Variants in TOB1 observed in about 807,000 individuals in gnomAD.
The protein encoded by TOB1 is protein Tob1.
TOB1 carries 2 observed loss-of-function variants against 22.9 expected under a neutral mutation model. The observed-to-expected ratio is 0.09, with a 90% CI of 0.04 to 0.28. The LOEUF (loss-of-function observed/expected upper bound fraction) is 0.28. Ranked by LOEUF, TOB1 falls within the 10% of genes least tolerant of loss-of-function variation. The probability of loss-of-function intolerance (pLI) is 1.00; values close to 1 mark genes in which losing one functional copy is unlikely to be tolerated. For synonymous variants in TOB1, 154 were observed against 150.6 expected (o/e 1.02, Z -0.17); for missense variants, 299 against 420.5 (o/e 0.71, Z 2.53).
rs759460264 is a variant in TOB1 at position 50,863,257 on chromosome 17, G to A, written c.761C>T (p.Pro254Leu). The A allele has an allele frequency of 6.2e-7, 1 of 1,614,034 alleles. No homozygotes were observed. Among genetic ancestry groups the A allele is most frequent in the Non-Finnish European group, 8.5e-7 (1 of 1,179,990 alleles). Residue 254 changes from proline (P) to leucine (L), a missense_variant, in exon 2 of 2, where the codon CCA becomes CTA. Transcript: ENST00000499247. ...CTGCTGTTGTTGCTGCTGTGGTGGT[G>A]GTGGTGGCGGTGGCGGCTGGGCTGG... is the stretch of plus-strand genomic sequence containing the variant. ...QQPAQPPPPP[P>L]PPQQQQQQKT...
chr17:50,862,694 C>A lies in TOB1; in HGVS notation c.*286G>T. 3.5e-6 allele frequency: 1 copy of A among 286,790 alleles called. No individual in the cohort carries two copies. The highest frequency in any genetic ancestry group is 6.4e-6 in the Non-Finnish European group (1 of 157,240). 17.8% of individuals were successfully genotyped at this position (286,790 alleles called of 1,614,324 possible). A position where few individuals can be genotyped will look rare whatever the true frequency, so the allele number is the denominator to read the frequency against. The stretch of plus-strand genomic sequence containing the variant: ...CAATTAGAAAAGACCAATAAACCCA[C>A]TTATTAGTGCCAATTTTTATAAAAA... On this transcript the variant is annotated 3_prime_UTR_variant, in exon 2 of 2. Coordinates refer to ENST00000499247, the MANE Select transcript of TOB1 (RefSeq NM_005749.4).
At position 50,862,992 on chromosome 17, in the gene TOB1, A is replaced by G. The variant is rs756657571; in HGVS notation, c.1026T>C (p.Val342=). The change falls in exon 2 of 2, where the codon GTT becomes GTC. Residue 342 remains valine, a synonymous_variant. Transcript: ENST00000499247. ...MQYSNQQFQP[V]MAN ...CATTTTCTTTTTTTTAGTTAGCCAT[A>G]ACAGGCTGGAATTGCTGGTTAGAAT... 1 of 1,610,500 alleles carries G rather than the reference A, an allele frequency of 6.2e-7. No homozygotes were observed. The highest frequency in any genetic ancestry group is 1.7e-5 in the Admixed American group (1 of 59,484).
At position 50,863,581 on chromosome 17, in the gene TOB1, G is replaced by T; in HGVS notation, c.437C>A (p.Ala146Asp). Residue 146 changes from alanine (A) to aspartate (D), a missense_variant, in exon 2 of 2, where the codon GCC (alanine) becomes GAC (aspartate). Physicochemically the swap from Ala to Asp is moderately radical, Grantham distance 126. Transcript: ENST00000499247. The part of the protein sequence containing the change: ...AQVFMPISDP[A>D]SSVSSSPSPP... ...CGATGGAGAGCTGGACACTGATGAG[G>T]CTGGGTCACTTATGGGCATAAAAAC... is the stretch of plus-strand genomic sequence containing the variant. 1 of 1,614,134 alleles carries T rather than the reference G, an allele frequency of 6.2e-7. No homozygotes were observed. The highest frequency in any genetic ancestry group is 8.5e-7 in the Non-Finnish European group (1 of 1,180,018).
At chr17:50,866,483 G>C (rs1015263860), upstream of TOB1, 3 of 151,696 alleles carry the variant, frequency 2.0e-5, no homozygotes, top group Non-Finnish European at 4.4e-5. Context: ...CTCCCCGCCC[G>C]GCACCCCGGT....
At chr17:50,864,742 C>A (rs1283932576) in intron 1 of TOB1, among the ~76,000 whole-genome samples, 1 of 152,166 alleles carries the variant, frequency 6.6e-6, no homozygotes, top group Non-Finnish European at 1.5e-5. Context: ...ACTAAATGAA[C>A]TTCATCCTAG....
chr17:50,867,508 C>T (rs547736823), upstream of TOB1: 1 of 152,340 alleles, frequency 6.6e-6, no homozygotes, highest in African/African-American at 2.4e-5. Flanking sequence ...AGCAACGACG[C>T]CTGATTGGCT....
In TOB1 at chr17:50,863,901, TTTC is replaced by T; in HGVS notation, c.114_116del (p.Lys39del). Reference sequence around the variant, plus strand: ...TTTCAGGATACCAGTGCCCTTCATATTTCTTCTTAAGAAGTCTTTCAAGTTCTT... The same window carrying T: ...TTTCAGGATACCAGTGCCCTTCATATTTCTTAAGAAGTCTTTCAAGTTCTT... On this transcript the variant is annotated inframe_deletion, in exon 2 of 2. Coordinates refer to ENST00000499247, the MANE Select transcript of TOB1 (RefSeq NM_005749.4). 1.2e-6 allele frequency: 2 copies of T among 1,614,094 alleles called. No individual in the cohort carries two copies. Among genetic ancestry groups the T allele is most frequent in the Non-Finnish European group, 1.7e-6 (2 of 1,180,022 alleles).
rs1373649669 is a variant in TOB1 at position 50,863,457 on chromosome 17, G to A, written c.561C>T (p.Phe187=). 5.0e-6 allele frequency: 8 copies of A among 1,614,120 alleles called. No individual in the cohort carries two copies. The highest frequency in any genetic ancestry group is 1.7e-5 in the Admixed American group (1 of 60,022). ...CACTATTCTTCATTTTGGTAGAGCCGAACTTGGTGGCAGCAAAAGTGGCAG... is the reference window on the plus strand; with the variant it reads ...CACTATTCTTCATTTTGGTAGAGCCAAACTTGGTGGCAGCAAAAGTGGCAG... ...FTTATFAATK[F]GSTKMKNSGR... The change falls in exon 2 of 2, where the codon TTC becomes TTT. Residue 187 remains phenylalanine, a synonymous_variant. Coordinates refer to ENST00000499247, the MANE Select transcript of TOB1 (RefSeq NM_005749.4).
rs1972256995 is a variant in TOB1 at position 50,863,889 on chromosome 17, G to A, written c.129C>T (p.His43=). ...ERLLKKKYEG[H]WYPEKPYKGS... Reference sequence around the variant, plus strand: ...CTTTGTATGGCTTTTCAGGATACCAGTGCCCTTCATATTTCTTCTTAAGAA... The same window carrying A: ...CTTTGTATGGCTTTTCAGGATACCAATGCCCTTCATATTTCTTCTTAAGAA... Residue 43 remains histidine, a synonymous_variant, in exon 2 of 2, where the codon CAC becomes CAT. Coordinates refer to ENST00000499247, the MANE Select transcript of TOB1 (RefSeq NM_005749.4). The A allele has an allele frequency of 1.9e-6, 3 of 1,613,956 alleles. No individual in the cohort carries two copies. The highest frequency in any genetic ancestry group is 4.5e-5 in the East Asian group (2 of 44,878).
chr17:50,862,788 T>C lies in TOB1; in HGVS notation c.*192A>G. 3 of 724,026 alleles carry C rather than the reference T, an allele frequency of 4.1e-6. No individual in the cohort carries two copies. Among genetic ancestry groups the C allele is most frequent in the Non-Finnish European group, 6.2e-6 (3 of 486,564 alleles). The allele number at this position is 724,026 out of a possible 1,614,324, so 44.9% of individuals were successfully genotyped here. A position where few individuals can be genotyped will look rare whatever the true frequency, so the allele number is the denominator to read the frequency against. ...CCATATCTGAGAGTATACTTTAAAA[T>C]ATACAGTCAGTATAAAATAACTTTG... On this transcript the variant is annotated 3_prime_UTR_variant, in exon 2 of 2. Transcript: ENST00000499247.
intron 1 of TOB1, among the ~76,000 whole-genome samples, chr17:50,865,550 AAAT>A (rs1972285398): frequency 2.0e-5 from 3 of 152,106 alleles, no homozygotes; most frequent in Non-Finnish European, 4.4e-5. Flanking sequence ...AAGGCCCGGG[AAAT>A]GGAAGAGCAA....
At position 50,866,119 on chromosome 17, in the gene TOB1, G is replaced by GC. The variant is rs1207028266; in HGVS notation, c.-209dup. 4 of 152,588 alleles carry GC rather than the reference G, an allele frequency of 2.6e-5. No individual in the cohort carries two copies. The highest frequency in any genetic ancestry group is 9.7e-5 in the African/African-American group (4 of 41,394). 9.5% of individuals were successfully genotyped at this position (152,588 alleles called of 1,614,324 possible). On this transcript the variant is annotated 5_prime_UTR_variant, in exon 1 of 2. Coordinates refer to ENST00000499247, the MANE Select transcript of TOB1 (RefSeq NM_005749.4). ...GCTGGGCGGGGAGCAGCGCGGCAGG[G>GC]CGGGGGCGCGGGAGGGTCGGGAGCG...
intron 1 of TOB1, among the ~76,000 whole-genome samples, chr17:50,865,246 GC>G (rs1306818048): frequency 1.3e-5 from 2 of 152,180 alleles, no homozygotes; most frequent in Non-Finnish European, 2.9e-5. Flanking sequence ...ATCTCTGGCT[GC>G]CCCCAAACTA....
Position 50,862,876 on chromosome 17 carries a change from T to A in TOB1, c.*104A>T. ...TATTATTTTTTTAACCAAGCTTGAA[T>A]GTATCCTTACTATAAGCTTAAAAAA... On this transcript the variant is annotated 3_prime_UTR_variant, in exon 2 of 2. Coordinates refer to ENST00000499247, the MANE Select transcript of TOB1 (RefSeq NM_005749.4). The A allele has an allele frequency of 7.1e-7, 1 of 1,402,814 alleles. No homozygotes were observed. The highest frequency in any genetic ancestry group is 9.4e-7 in the Non-Finnish European group (1 of 1,061,590). 86.9% of individuals were successfully genotyped at this position (1,402,814 alleles called of 1,614,324 possible).
At chr17:50,867,522 C>T (rs1456448398), upstream of TOB1, 1 of 152,188 alleles carries the variant, frequency 6.6e-6, no homozygotes, top group African/African-American at 2.4e-5. Context: ...ATTGGCTGCG[C>T]TGGTCCCTTC....
chr17:50,867,234 A>C (rs1401349028), upstream of TOB1: 1 of 152,304 alleles, frequency 6.6e-6, no homozygotes, highest in Non-Finnish European at 1.5e-5. Flanking sequence ...ATCTGTGTCC[A>C]TGTCTACACA....
chr17:50,863,918 T>C lies in TOB1; in HGVS notation c.100A>G (p.Arg34Gly). Residue 34 changes from arginine (R) to glycine (G), a missense_variant, in exon 2 of 2, where the codon AGA becomes GGA. Coordinates refer to ENST00000499247, the MANE Select transcript of TOB1 (RefSeq NM_005749.4). Reference sequence around the variant, plus strand: ...CCTTCATATTTCTTCTTAAGAAGTCTTTCAAGTTCTTCACCAAAAATGTTG... The same window carrying C: ...CCTTCATATTTCTTCTTAAGAAGTCCTTCAAGTTCTTCACCAAAAATGTTG... Reference protein sequence around the residue: ...RVNIFGEELERLLKKKYEGHW... With the variant: ...RVNIFGEELEGLLKKKYEGHW... 1 of 1,614,138 alleles carries C rather than the reference T, an allele frequency of 6.2e-7. No individual in the cohort carries two copies.
At chr17:50,867,395 G>A (rs1189008054), upstream of TOB1, 1 of 152,216 alleles carries the variant, frequency 6.6e-6, no homozygotes, top group East Asian at 1.9e-4. Flanking sequence ...CGTGGTGGGG[G>A]GCGGGTAAGT....
At chr17:50,867,853 C>T (rs1235533336), upstream of TOB1, 1 of 152,174 alleles carries the variant, frequency 6.6e-6, no homozygotes, top group Non-Finnish European at 1.5e-5. Flanking sequence ...CAGCTGTGCT[C>T]CTCGGGCACA....
Sources: gnomAD v4.1 joint callset for allele counts (sites outside exome capture counted in the v4.1 genomes callset) on GRCh38, gnomAD v4.1.1 for gene constraint, MANE v1.5 for transcripts, NCBI Gene and HGNC (gene_info 2026-07-23, HGNC 2026-07-21) for gene names.